Variants in CEP152 observed in about 807,000 individuals in gnomAD.
CEP152 encodes the protein centrosomal protein of 152 kDa.
CEP152 carries 132 observed loss-of-function variants against 188.9 expected under a neutral mutation model. That is an observed-to-expected ratio of 0.70 (90% confidence interval 0.61 to 0.81). The LOEUF is 0.81. Ranked by LOEUF, CEP152 falls within the 30% of genes least tolerant of loss-of-function variation. The pLI, the probability that CEP152 is intolerant of heterozygous loss-of-function variation, is 0.00. For missense variants in CEP152, 1,914 were observed against 1,969.8 expected (o/e 0.97, Z 0.54); for synonymous variants, 649 against 666.6 (o/e 0.97, Z 0.41).
At chr15:48,751,877 T>G (rs1893899738) in intron 21 of CEP152, among the ~76,000 whole-genome samples, 1 of 152,168 alleles carries the variant, frequency 6.6e-6, no homozygotes, top group Non-Finnish European at 1.5e-5. Context: ...AAACTATTAA[T>G]TCATCACTCT....
At chr15:48,787,173 T>TTTTTTTG (rs1896710092) in intron 9 of CEP152, among the ~76,000 whole-genome samples, 2 of 142,766 alleles carry the variant, frequency 1.4e-5, no homozygotes, top group Admixed American at 1.4e-4. Context: ...GTTTTTTTTT[T>TTTTTTTG]TTTTTTTTTC....
intron 1 of CEP152, among the ~76,000 whole-genome samples, chr15:48,807,901 T>TC (rs770648259): frequency 1.3e-4 from 5 of 38,084 alleles, no homozygotes; most frequent in Non-Finnish European, 3.2e-4. Context: ...TAGGGTTTTG[T>TC]TTTTAAAGAG....
In CEP152 at chr15:48,741,937, C is replaced by T. The variant is rs772011453; in HGVS notation, c.3989+10G>A. On this transcript the variant is annotated intron_variant, in intron 25 of 26. Transcript: ENST00000380950. ...GTAATCTCAGGACACATTGTTCAGA[C>T]TGAACTCACCCTTCTTTTCCATCAT... The T allele has an allele frequency of 6.2e-7, 1 of 1,614,158 alleles. No individual in the cohort carries two copies.
chr15:48,777,891 A>G (rs1896021441), intron 12 of CEP152, among the ~76,000 whole-genome samples: 1 of 152,166 alleles, frequency 6.6e-6, no homozygotes, highest in Non-Finnish European at 1.5e-5. Flanking sequence ...AGTGCTTGCT[A>G]AAATAATTTT....
intron 18 of CEP152, among the ~76,000 whole-genome samples, chr15:48,762,144 T>C (rs1894731941): frequency 6.6e-6 from 1 of 152,218 alleles, no homozygotes; most frequent in South Asian, 2.1e-4. Flanking sequence ...ATCTTAATGC[T>C]TAGACTAATC....
intron 12 of CEP152, among the ~76,000 whole-genome samples, chr15:48,776,180 T>C (rs928426309): frequency 1.1e-4 from 16 of 152,124 alleles, no homozygotes; most frequent in Admixed American, 8.5e-4. Flanking sequence ...CACTTTCAAA[T>C]AATTCATTAA....
intron 11 of CEP152, 36 bp downstream of exon 11, chr15:48,782,103 A>G (rs766432605): frequency 2.6e-6 from 4 of 1,564,814 alleles, no homozygotes; most frequent in Middle Eastern, 1.7e-4. Flanking sequence ...CCTAATTCAG[A>G]TACCCATAGA....
chr15:48,773,774 G>T (rs1895714018), intron 12 of CEP152, among the ~76,000 whole-genome samples: 1 of 152,144 alleles, frequency 6.6e-6, no homozygotes, highest in Admixed American at 6.5e-5. Context: ...AGCCTTGAAA[G>T]GATCAAACTG....
chr15:48,744,093 G>T (rs1467392782), intron 24 of CEP152, 147 bp downstream of exon 24: 31 of 1,299,572 alleles, frequency 2.4e-5, no homozygotes, highest in Admixed American at 7.7e-5. Context: ...ATTTTGAAAA[G>T]GTATCAATAA....
In CEP152 at chr15:48,744,335, G is replaced by A. The variant is rs765008269; in HGVS notation, c.3740C>T (p.Ser1247Leu). Residue 1247 changes from serine to leucine, a missense_variant, in exon 24 of 27, where the codon TCA becomes TTA. Transcript: ENST00000380950. ...GCAAGCATTTTCAATGGCCCCTGCTGACAATGACCTAAAAAACAAACCAAA... is the reference window on the plus strand; with the variant it reads ...GCAAGCATTTTCAATGGCCCCTGCTAACAATGACCTAAAAAACAAACCAAA... ...TLCKTPPRSL[S>L]AGAIENACLP... 3 of 1,613,944 alleles carry A rather than the reference G, an allele frequency of 1.9e-6. No homozygotes were observed. The highest frequency in any genetic ancestry group is 2.2e-5 in the South Asian group (2 of 91,074).
intron 6 of CEP152, among the ~76,000 whole-genome samples, chr15:48,795,297 C>T (rs1897229170): frequency 6.6e-6 from 1 of 152,098 alleles, no homozygotes; most frequent in Non-Finnish European, 1.5e-5. Flanking sequence ...GCAAATGCCA[C>T]ATGACTGAAC....
At position 48,744,922 on chromosome 15, in the gene CEP152, C is replaced by T. The variant is rs1476852061; in HGVS notation, c.3705G>A (p.Leu1235=). The change falls in exon 23 of 27, where the codon TTG becomes TTA. Residue 1235 remains leucine (L), a synonymous_variant. Coordinates refer to ENST00000380950, the MANE Select transcript of CEP152 (RefSeq NM_001194998.2). ...NNDMKNKLEE[L]QTLCKTPPRS... is the part of the protein sequence containing the mutation. ...TTGGTGGTGTTTTACAAAGTGTTTG[C>T]AATTCTTCCAATTTATTCTTCATGT... is the stretch of plus-strand genomic sequence containing the variant. The T allele has an allele frequency of 1.2e-6, 2 of 1,610,432 alleles. No individual in the cohort carries two copies. The highest frequency in any genetic ancestry group is 1.7e-6 in the Non-Finnish European group (2 of 1,178,794).
At chr15:48,784,843 G>A (rs994560245) in intron 9 of CEP152, among the ~76,000 whole-genome samples, 23 of 152,174 alleles carry the variant, frequency 1.5e-4, no homozygotes, top group African/African-American at 5.6e-4. Context: ...AATATAGAGT[G>A]TGTATGCAAT....
rs1167180624 is a variant in CEP152 at position 48,798,015 on chromosome 15, G to A, written c.124C>T (p.Leu42=). Residue 42 remains leucine (L), a synonymous_variant, in exon 3 of 27, where the codon CTG becomes TTG. Transcript: ENST00000380950. ...TCTGGAGAGGAGAGGTCGTCATCCA[G>A]CATGTCATGGGGAAGGTCTGTGAGT... ...QLLTDLPHDM[L]DDDLSSPELQ... 1 of 1,614,070 alleles carries A rather than the reference G, an allele frequency of 6.2e-7. No individual in the cohort carries two copies. The highest frequency in any genetic ancestry group is 1.3e-5 in the African/African-American group (1 of 75,050).
intron 20 of CEP152, 118 bp downstream of exon 20, chr15:48,755,785 A>G: frequency 1.3e-6 from 2 of 1,545,884 alleles, no homozygotes; most frequent in South Asian, 1.2e-5. Context: ...TAAACCACTG[A>G]CAAAAACATA....
At chr15:48,732,390 T>C (rs1169676717) in intron 2 of CEP152, among the ~76,000 whole-genome samples, 1 of 152,124 alleles carries the variant, frequency 6.6e-6, no homozygotes. Flanking sequence ...GCAAGGGATG[T>C]GGATGAAGCT....
chr15:48,760,120 C>G lies in CEP152; in HGVS notation c.2694+15G>C, dbSNP rs369094548. ...AAGACAGCCTCCTGAAGTGTCTTTG[C>G]AGAAGAGCTCTTACCCTTTTGTTCA... On this transcript the variant is annotated intron_variant, in intron 19 of 26. Transcript: ENST00000380950. The G allele has an allele frequency of 1.9e-6, 3 of 1,613,760 alleles. No homozygotes were observed. The highest frequency in any genetic ancestry group is 1.7e-6 in the Non-Finnish European group (2 of 1,179,816).
chr15:48,785,944 T>C (rs957289425), intron 9 of CEP152, among the ~76,000 whole-genome samples: 1 of 145,254 alleles, frequency 6.9e-6, no homozygotes, highest in Non-Finnish European at 1.5e-5. Context: ...AGAGAGATGA[T>C]AGAGATGACA....
At chr15:48,810,430 G>A (rs994090085) in intron 1 of CEP152, 4 of 152,268 alleles carry the variant, frequency 2.6e-5, no homozygotes, top group Admixed American at 2.0e-4. Flanking sequence ...GCTAATAACA[G>A]CACTTTGGAC....
Sources: allele counts gnomAD v4.1 joint callset (sites outside exome capture counted in the v4.1 genomes callset), GRCh38; gene constraint gnomAD v4.1.1; transcripts MANE v1.5; gene names NCBI Gene and HGNC (gene_info 2026-07-23, HGNC 2026-07-21).